Variants in TFDP2 observed in about 807,000 individuals in gnomAD.
The protein encoded by TFDP2 is transcription factor Dp-2 (E2F dimerization partner 2).
A neutral mutation model predicts 59.3 loss-of-function variants in TFDP2; 17 were observed. The ratio of observed to expected loss-of-function variants is 0.29; its 90% CI spans 0.20 to 0.43. The LOEUF (loss-of-function observed/expected upper bound fraction) is 0.43, where lower values mean the gene tolerates loss of function less well. Ranked by LOEUF, TFDP2 falls within the 20% of genes least tolerant of loss-of-function variation. The pLI, the probability that TFDP2 is intolerant of heterozygous loss-of-function variation, is 1.00. For synonymous variants in TFDP2, 180 were observed against 194.7 expected, an observed-to-expected ratio of 0.92 and a Z score of 0.63; for missense variants, 391 against 528.8, an observed-to-expected ratio of 0.74 and a Z score of 2.56.
intron 11 of TFDP2, among the ~76,000 whole-genome samples, chr3:141,956,565 A>G (rs1318477057): frequency 6.6e-6 from 1 of 151,914 alleles, no homozygotes; most frequent in Admixed American, 6.6e-5. Context: ...AAAAAAGTCA[A>G]TGTGAATAGA....
chr3:142,083,576 A>G (rs540376248), intron 3 of TFDP2, among the ~76,000 whole-genome samples: 1 of 152,322 alleles, frequency 6.6e-6, no homozygotes, highest in African/African-American at 2.4e-5. Flanking sequence ...ACAAAACTGA[A>G]GGAATCACAT....
chr3:141,994,978 T>C, intron 5 of TFDP2, 42 bp downstream of exon 5: 1 of 1,466,956 alleles, frequency 6.8e-7, no homozygotes, highest in Non-Finnish European at 9.1e-7. Flanking sequence ...ATGTCTAAAC[T>C]TTTTTTAAGG....
chr3:142,136,888 A>G (rs1415318688), intron 1 of TFDP2, among the ~76,000 whole-genome samples: 8 of 151,990 alleles, frequency 5.3e-5, no homozygotes, highest in African/African-American at 7.2e-5. Context: ...TTTTGCTTCC[A>G]TATGAACTTT....
At chr3:142,074,872 CAATT>C (rs2060387953) in intron 3 of TFDP2, among the ~76,000 whole-genome samples, 3 of 151,822 alleles carry the variant, frequency 2.0e-5, no homozygotes, top group African/African-American at 4.8e-5. Context: ...AATAAAATAA[CAATT>C]AATGAATGAA....
At chr3:141,956,940 A>C (rs1262984261) in intron 11 of TFDP2, among the ~76,000 whole-genome samples, 3,941 of 136,308 alleles carry the variant, frequency 0.029, no homozygotes, top group Non-Finnish European at 0.032. Context: ...ACCCTGCCCC[A>C]CCCCCCCCAC....
At chr3:142,113,213 C>T (rs1240774935) in intron 1 of TFDP2, among the ~76,000 whole-genome samples, 1 of 152,132 alleles carries the variant, frequency 6.6e-6, no homozygotes, top group Non-Finnish European at 1.5e-5. Context: ...TAAGACTTAT[C>T]TTTACTTGAA....
intron 11 of TFDP2, among the ~76,000 whole-genome samples, chr3:141,954,147 C>G (rs953165239): frequency 6.6e-6 from 1 of 151,302 alleles, no homozygotes; most frequent in Non-Finnish European, 1.5e-5. Flanking sequence ...GCAACAAGAG[C>G]GAAACTCCAT....
chr3:141,955,542 A>T (rs1936506747), intron 11 of TFDP2, among the ~76,000 whole-genome samples: 1 of 152,014 alleles, frequency 6.6e-6, no homozygotes. Flanking sequence ...GGGCAAGGAG[A>T]GGCGGGGGGC....
chr3:142,038,005 T>C (rs1429705538), intron 3 of TFDP2, among the ~76,000 whole-genome samples: 1 of 152,172 alleles, frequency 6.6e-6, no homozygotes, highest in Non-Finnish European at 1.5e-5. Flanking sequence ...TGAAAGAATA[T>C]AAATTATTTT....
intron 3 of TFDP2, among the ~76,000 whole-genome samples, chr3:142,064,692 C>A (rs1275623303): frequency 6.6e-6 from 1 of 152,122 alleles, no homozygotes; most frequent in East Asian, 1.9e-4. Flanking sequence ...AAAGAATACA[C>A]AAGTGTCACT....
chr3:142,140,984 A>G (rs2062931751), intron 1 of TFDP2, among the ~76,000 whole-genome samples: 1 of 152,194 alleles, frequency 6.6e-6, no homozygotes, highest in Non-Finnish European at 1.5e-5. Context: ...GGTGGAGTCT[A>G]TAGAGGCAGT....
At chr3:142,025,566 T>C (rs1946011073) in intron 3 of TFDP2, among the ~76,000 whole-genome samples, 1 of 152,178 alleles carries the variant, frequency 6.6e-6, no homozygotes, top group African/African-American at 2.4e-5. Flanking sequence ...ACATGTGGAG[T>C]GACCAACTTT....
At chr3:141,995,839 C>A (rs1308405721) in intron 4 of TFDP2, among the ~76,000 whole-genome samples, 1 of 143,872 alleles carries the variant, frequency 7.0e-6, no homozygotes, top group African/African-American at 2.6e-5. Flanking sequence ...GTTGAGATCA[C>A]GCCACTGCAC....
chr3:142,088,426 G>A (rs1241494089), intron 3 of TFDP2, among the ~76,000 whole-genome samples: 1 of 151,584 alleles, frequency 6.6e-6, no homozygotes, highest in Non-Finnish European at 1.5e-5. Flanking sequence ...CACCTCCCGG[G>A]TTCAGGTGAT....
rs759670414 is a variant in TFDP2, at chr3:142,135,106, T to G, written c.-93+14077A>C. ...TATCGCTATTACAGTTTTTGTTTTG[T>G]TTTGAAGATATGGGGTCTTACTACA... On this transcript the variant is annotated intron_variant, in intron 1 of 12. Transcript: ENST00000489671. Among the ~76,000 whole-genome samples, 3 of 152,188 alleles carry G rather than the reference T, an allele frequency of 2.0e-5. No individual in the cohort carries two copies. In the South Asian group the frequency reaches 6.2e-4, roughly 32 times the overall value.
At chr3:142,108,314 A>G (rs1293837642) in intron 1 of TFDP2, among the ~76,000 whole-genome samples, 1 of 151,558 alleles carries the variant, frequency 6.6e-6, no homozygotes, top group Non-Finnish European at 1.5e-5. Context: ...GGTTCAAGCG[A>G]TTCTTCTGCC....
chr3:142,138,400 T>G (rs2062815635), intron 1 of TFDP2, among the ~76,000 whole-genome samples: 2 of 152,222 alleles, frequency 1.3e-5, no homozygotes, highest in Admixed American at 1.3e-4. Context: ...AGTTATTTCT[T>G]GCCTTCCGCT....
At chr3:142,028,679 C>A (rs951059667) in intron 3 of TFDP2, 71 of 985,158 alleles carry the variant, frequency 7.2e-5, no homozygotes, top group Non-Finnish European at 8.2e-5. Context: ...CGTAAGCAAT[C>A]GAGCTCAGAA....
chr3:142,132,985 G>A (rs943393249), intron 1 of TFDP2, among the ~76,000 whole-genome samples: 7 of 149,452 alleles, frequency 4.7e-5, no homozygotes, highest in Admixed American at 2.0e-4. Flanking sequence ...CCATTTTATG[G>A]AGCTGAACAA....
Sources: gnomAD v4.1 joint callset for allele counts (sites outside exome capture counted in the v4.1 genomes callset) on GRCh38, gnomAD v4.1.1 for gene constraint, MANE v1.5 for transcripts, NCBI Gene and HGNC (gene_info 2026-07-23, HGNC 2026-07-21) for gene names.